The following PGCKA1 variants were observed in gnomAD, a reference collection of about 807,000 sequenced individuals.
The protein encoded by PGCKA1 is PDCD10 and GCKIII kinases-associated protein 1.
chr4:37,583,441 G>GT, the PGCKA1 span, among the ~76,000 whole-genome samples: 16,093 of 146,056 alleles, frequency 0.11, 1,870 homozygotes, highest in East Asian at 0.63. Flanking sequence ...TTTTGTTTTT[G>GT]TTTTTTTTTT....
At chr4:37,530,213 T>C in the PGCKA1 span, among the ~76,000 whole-genome samples, 3 of 152,206 alleles carry the variant, frequency 2.0e-5, no homozygotes, top group Admixed American at 6.5e-5. Flanking sequence ...AATTTACCCA[T>C]TGGATCTTTT....
At chr4:37,489,349 A>G in the PGCKA1 span, among the ~76,000 whole-genome samples, 2 of 152,146 alleles carry the variant, frequency 1.3e-5, no homozygotes, top group Non-Finnish European at 2.9e-5. Context: ...TGGGGGAAGG[A>G]GAGAAAGATT....
chr4:37,559,875 G>A, the PGCKA1 span, among the ~76,000 whole-genome samples: 1 of 152,144 alleles, frequency 6.6e-6, no homozygotes, highest in Admixed American at 6.5e-5. Flanking sequence ...TGTGTCTCCT[G>A]AAAGTGGTGC....
the PGCKA1 span, among the ~76,000 whole-genome samples, chr4:37,523,792 T>A: frequency 6.6e-6 from 1 of 152,158 alleles, no homozygotes; most frequent in Non-Finnish European, 1.5e-5. Flanking sequence ...AAATCCAAGA[T>A]CAGGGTGCGG....
chr4:37,498,540 G>A, the PGCKA1 span, among the ~76,000 whole-genome samples: 7 of 152,280 alleles, frequency 4.6e-5, no homozygotes, highest in African/African-American at 1.7e-4. Flanking sequence ...CCATGAGCAC[G>A]GGATATGTTT....
the PGCKA1 span, among the ~76,000 whole-genome samples, chr4:37,507,043 G>T: frequency 6.6e-6 from 1 of 151,816 alleles, no homozygotes; most frequent in Non-Finnish European, 1.5e-5. Context: ...GACCTTTGTT[G>T]TCTCTTCTTA....
the PGCKA1 span, among the ~76,000 whole-genome samples, chr4:37,549,097 C>A: frequency 6.6e-6 from 1 of 152,222 alleles, no homozygotes; most frequent in African/African-American, 2.4e-5. Context: ...CATGCCCCAA[C>A]ACTAAGTTCA....
the PGCKA1 span, among the ~76,000 whole-genome samples, chr4:37,572,067 T>TTTTTTTTTC: frequency 3.8e-5 from 4 of 106,546 alleles, no homozygotes; most frequent in African/African-American, 1.1e-4. Context: ...TTTTTTCTTT[T>TTTTTTTTTC]TTTTTTTTTT....
chr4:37,531,405 A>T, the PGCKA1 span, among the ~76,000 whole-genome samples: 1 of 152,142 alleles, frequency 6.6e-6, no homozygotes, highest in African/African-American at 2.4e-5. Context: ...GTCACTGTTA[A>T]TTGGAGGTTA....
the PGCKA1 span, among the ~76,000 whole-genome samples, chr4:37,534,211 T>C: frequency 1.3e-5 from 2 of 152,206 alleles, no homozygotes; most frequent in African/African-American, 4.8e-5. Context: ...TCAGAATAGA[T>C]AGCTGATACT....
the PGCKA1 span, among the ~76,000 whole-genome samples, chr4:37,481,271 C>T: frequency 6.6e-6 from 1 of 151,784 alleles, no homozygotes; most frequent in East Asian, 1.9e-4. Context: ...ACTATCCTGG[C>T]CAACATTGTG....
the PGCKA1 span, among the ~76,000 whole-genome samples, chr4:37,455,212 A>C: frequency 2.3e-4 from 35 of 152,200 alleles, no homozygotes; most frequent in Non-Finnish European, 4.0e-4. Context: ...TCCCCATTTA[A>C]TCCTTCAGTT....
the PGCKA1 span, chr4:37,591,852 T>A: frequency 1.3e-5 from 2 of 152,164 alleles, no homozygotes; most frequent in Non-Finnish European, 2.9e-5. Context: ...AAGTCTTAAC[T>A]CAAAGGTGGT....
the PGCKA1 span, among the ~76,000 whole-genome samples, chr4:37,587,637 G>C: frequency 6.6e-6 from 1 of 152,180 alleles, no homozygotes; most frequent in Non-Finnish European, 1.5e-5. Flanking sequence ...ATGGAGACAG[G>C]GAGACTGGGG....
At chr4:37,578,242 TA>T in the PGCKA1 span, among the ~76,000 whole-genome samples, 3 of 152,228 alleles carry the variant, frequency 2.0e-5, no homozygotes, top group Non-Finnish European at 4.4e-5. Context: ...GTTGGGCGCA[TA>T]TATATTTACA....
the PGCKA1 span, among the ~76,000 whole-genome samples, chr4:37,549,884 C>T: frequency 6.6e-6 from 1 of 152,096 alleles, no homozygotes; most frequent in East Asian, 1.9e-4. Flanking sequence ...GCTGACTGGT[C>T]CACACAGGCC....
chr4:37,571,292 A>G, the PGCKA1 span, among the ~76,000 whole-genome samples: 1 of 149,282 alleles, frequency 6.7e-6, no homozygotes, highest in Non-Finnish European at 1.5e-5. Context: ...GTAGGTTGGT[A>G]GACTTTTGAT....
the PGCKA1 span, among the ~76,000 whole-genome samples, chr4:37,509,537 T>C: frequency 0.59 from 88,908 of 149,818 alleles, 26,829 homozygotes; most frequent in South Asian, 0.75. Context: ...CAGGCAGAGA[T>C]GATCCTCACT....
the PGCKA1 span, among the ~76,000 whole-genome samples, chr4:37,509,793 T>C: frequency 6.4e-3 from 974 of 151,584 alleles, 22 homozygotes; most frequent in East Asian, 0.073. Flanking sequence ...AAACCCCGTC[T>C]CCACCAAAAA....
Sources: allele counts gnomAD v4.1 joint callset (sites outside exome capture counted in the v4.1 genomes callset), GRCh38; gene constraint gnomAD v4.1.1; transcripts MANE v1.5; gene names NCBI Gene and HGNC (gene_info 2026-07-23, HGNC 2026-07-21).